QRICH1: variants seen among roughly 807,000 people sequenced by gnomAD.
The protein encoded by QRICH1 is transcriptional regulator QRICH1.
QRICH1 carries 16 observed loss-of-function variants against 87.1 expected under a neutral mutation model. That is an observed-to-expected ratio of 0.18 (90% CI 0.12 to 0.28). The LOEUF is 0.28. QRICH1 is among the 10% of genes least tolerant of loss of function. The pLI is 1.00. For missense variants in QRICH1, 647 were observed against 951.7 expected, an observed-to-expected ratio of 0.68 and a Z score of 4.21; for synonymous variants, 367 against 368.4, an observed-to-expected ratio of 1.00 and a Z score of 0.05.
At chr3:49,033,364 A>G (rs2093254231) in intron 6 of QRICH1, 136 bp from the exon 7 acceptor site, 1 of 457,710 alleles carries the variant, frequency 2.2e-6, no homozygotes, top group South Asian at 7.5e-5. Context: ...GTGTGGCAAA[A>G]ATCATCTGGA....
At chr3:49,060,148 G>T (rs538492031) in intron 2 of QRICH1, among the ~76,000 whole-genome samples, 2 of 151,414 alleles carry the variant, frequency 1.3e-5, no homozygotes, top group Non-Finnish European at 2.9e-5. Context: ...CTCCCAAAGT[G>T]CTGGGATTAC....
rs57557768 is a variant in QRICH1, at chr3:49,061,134, T to TAAAA, written c.310-3248_310-3245dup. 3.2e-3 allele frequency among the ~76,000 whole-genome samples: 126 copies of TAAAA among 39,744 alleles called. 4 individuals carry two copies. The highest frequency in any genetic ancestry group is 0.011 in the African/African-American group (99 of 8,736). 26.1% of individuals were successfully genotyped at this position (39,744 alleles called of 152,430 possible). A position where few individuals can be genotyped will look rare whatever the true frequency, so the allele number is the denominator to read the frequency against. ...TGGGTGACAGAGTGAGCCTCCATCT[T>TAAAA]AAAAAAAAAAAAAAAAAAAAAAAAA... On this transcript the variant is annotated intron_variant, in intron 2 of 9. Transcript: ENST00000395443.
chr3:49,042,384 C>T (rs1194506093), intron 6 of QRICH1, among the ~76,000 whole-genome samples: 1 of 152,128 alleles, frequency 6.6e-6, no homozygotes, highest in Non-Finnish European at 1.5e-5. Flanking sequence ...TAGGCATGAA[C>T]CACTGCACCC....
At chr3:49,042,184 G>A (rs2093314661) in intron 6 of QRICH1, among the ~76,000 whole-genome samples, 2 of 150,634 alleles carry the variant, frequency 1.3e-5, no homozygotes. Flanking sequence ...TGCAAGCTCT[G>A]CCTCCCAGGT....
intron 3 of QRICH1, among the ~76,000 whole-genome samples, chr3:49,048,857 A>T (rs1184172744): frequency 6.6e-6 from 1 of 150,612 alleles, no homozygotes; most frequent in Non-Finnish European, 1.5e-5. Context: ...CAGCCATTGT[A>T]AGGTAGAGGC....
intron 3 of QRICH1, among the ~76,000 whole-genome samples, chr3:49,053,312 C>T (rs1001544210): frequency 6.6e-6 from 1 of 151,866 alleles, no homozygotes; most frequent in Non-Finnish European, 1.5e-5. Context: ...CATGGTGAAA[C>T]CTTGTCTCTA....
chr3:49,047,641 G>A (rs2093346483), intron 3 of QRICH1, among the ~76,000 whole-genome samples: 2 of 151,638 alleles, frequency 1.3e-5, no homozygotes, highest in African/African-American at 2.4e-5. Context: ...GCACCAACAC[G>A]GCCAGCTAAT....
At position 49,067,166 on chromosome 3, in the gene QRICH1, G is replaced by A. The variant is rs559532471; in HGVS notation, c.310-9276C>T. ...TAGAACCTCCCAATCCACCTCCTAAGTGGTGGCACCTGTCCGTCACTCCAG... is the reference window on the plus strand; with the variant it reads ...TAGAACCTCCCAATCCACCTCCTAAATGGTGGCACCTGTCCGTCACTCCAG... On this transcript the variant is annotated intron_variant, in intron 2 of 9. Coordinates refer to ENST00000395443, the MANE Select transcript of QRICH1 (RefSeq NM_198880.3). Among the ~76,000 whole-genome samples, 6 of 152,288 alleles carry A rather than the reference G, an allele frequency of 3.9e-5. No individual in the cohort carries two copies. The South Asian group carries it at 1.2e-3, about 32-fold the overall frequency.
intron 3 of QRICH1, among the ~76,000 whole-genome samples, chr3:49,055,674 T>C (rs2106898433): frequency 6.6e-6 from 1 of 150,944 alleles, no homozygotes; most frequent in South Asian, 2.1e-4. Flanking sequence ...TAATAGTTTT[T>C]TTGTTTGTTT....
chr3:49,053,264 G>A (rs1218369419), intron 3 of QRICH1, among the ~76,000 whole-genome samples: 4 of 151,998 alleles, frequency 2.6e-5, no homozygotes, highest in East Asian at 3.9e-4. Context: ...CGAGGCAGGT[G>A]GATCACGAGG....
intron 3 of QRICH1, among the ~76,000 whole-genome samples, chr3:49,051,768 G>A (rs2093372688): frequency 6.6e-6 from 1 of 152,146 alleles, no homozygotes; most frequent in Non-Finnish European, 1.5e-5. Context: ...TGGAAATCCA[G>A]GAGTCTGGCT....
At chr3:49,052,552 C>T (rs1302724711) in intron 3 of QRICH1, among the ~76,000 whole-genome samples, 1 of 152,202 alleles carries the variant, frequency 6.6e-6, no homozygotes, top group Non-Finnish European at 1.5e-5. Context: ...GTCACCCAGG[C>T]TGGAGTGCAG....
intron 1 of QRICH1, among the ~76,000 whole-genome samples, chr3:49,090,975 C>T (rs2042265051): frequency 6.6e-6 from 1 of 152,202 alleles, no homozygotes; most frequent in Non-Finnish European, 1.5e-5. Context: ...GTAATCCCAG[C>T]ACTTTGGGAG....
chr3:49,059,979 G>A (rs1304857965), intron 2 of QRICH1, among the ~76,000 whole-genome samples: 1 of 150,620 alleles, frequency 6.6e-6, no homozygotes, highest in South Asian at 2.1e-4. Context: ...CCACTTCCCC[G>A]GTTCAAGCGA....
intron 1 of QRICH1, among the ~76,000 whole-genome samples, chr3:49,091,638 A>T (rs1330989373): frequency 1.3e-5 from 2 of 152,202 alleles, no homozygotes; most frequent in Non-Finnish European, 2.9e-5. Flanking sequence ...ATCAGAGAGG[A>T]CCCGAAGGAA....
intron 2 of QRICH1, among the ~76,000 whole-genome samples, chr3:49,066,147 C>T (rs1178145516): frequency 1.3e-5 from 2 of 151,976 alleles, no homozygotes; most frequent in Admixed American, 6.6e-5. Flanking sequence ...ATTAGCCAGA[C>T]GTGGTTGTGA....
At chr3:49,037,854 C>G (rs1220168770) in intron 6 of QRICH1, among the ~76,000 whole-genome samples, 2 of 151,968 alleles carry the variant, frequency 1.3e-5, no homozygotes, top group African/African-American at 4.8e-5. Context: ...TGGTGCGCGC[C>G]TGTAATCCCA....
rs11420410 is a variant in QRICH1 at position 49,051,584 on chromosome 3, G to GCC, written c.1339-4340_1339-4339dup. Among the ~76,000 whole-genome samples the GCC allele has an allele frequency of 1.0e-3, 58 of 57,040 alleles. 1 individual carries two copies. Among genetic ancestry groups the GCC allele is most frequent in the East Asian group, 2.3e-3 (5 of 2,170 alleles). The allele number at this position is 57,040 out of a possible 152,430, so 37.4% of individuals were successfully genotyped here. On this transcript the variant is annotated intron_variant, in intron 3 of 9. Coordinates refer to ENST00000395443, the MANE Select transcript of QRICH1 (RefSeq NM_198880.3). Reference sequence around the variant, plus strand: ...ACCTCCAAGCTAGAACCCCCCCTGCGCCCCCCCCCCCCTCCGCTTAATATA... The same window carrying GCC: ...ACCTCCAAGCTAGAACCCCCCCTGCGCCCCCCCCCCCCCCTCCGCTTAATATA...
chr3:49,057,541 G>A lies in QRICH1; in HGVS notation c.659C>T (p.Ser220Phe). 1.2e-6 allele frequency: 2 copies of A among 1,613,322 alleles called. No individual in the cohort carries two copies. Among genetic ancestry groups the A allele is most frequent in the Non-Finnish European group, 1.7e-6 (2 of 1,179,462 alleles). ...QIQIQTVGAL[S>F]PPPSQQGSPR... ...TGAGCCCTGCTGGGATGGTGGTGGG[G>A]AAAGGGCACCCACGGTCTGGATTTG... is the stretch of plus-strand genomic sequence containing the variant. The change falls in exon 3 of 10, where the codon TCC (serine) becomes TTC (phenylalanine). Residue 220 changes from serine (S) to phenylalanine (F), a missense_variant. Transcript: ENST00000395443. This position sits in a 1 kb window ranked among gnomAD's most constrained non-coding sequence, Gnocchi z 5.4.
Sources: gnomAD v4.1 joint callset for allele counts (sites outside exome capture counted in the v4.1 genomes callset) on GRCh38, gnomAD v4.1.1 for gene constraint, Gnocchi (gnomAD v3.1) non-coding constraint, MANE v1.5 for transcripts, NCBI Gene and HGNC (gene_info 2026-07-23, HGNC 2026-07-21) for gene names.